CCDC171: variants seen among roughly 807,000 people sequenced by gnomAD.
CCDC171 encodes coiled-coil domain-containing protein 171.
In CCDC171, 177 loss-of-function variants were observed where a neutral mutation model predicts 168.2. The ratio of observed to expected loss-of-function variants is 1.05; its 90% CI spans 0.93 to 1.19. The LOEUF (loss-of-function observed/expected upper bound fraction) is 1.19, where lower values mean the gene tolerates loss of function less well. CCDC171 is among the 50% of genes most tolerant of loss of function. The pLI, the probability that CCDC171 is intolerant of heterozygous loss-of-function variation, is 0.00. For synonymous variants in CCDC171, 687 were observed against 540.8 expected, an observed-to-expected ratio of 1.27 and a Z score of -3.75; for missense variants, 1,991 against 1,539.0, an observed-to-expected ratio of 1.29 and a Z score of -4.91.
chr9:15,794,846 T>G (rs533537403), intron 21 of CCDC171, among the ~76,000 whole-genome samples: 1 of 152,230 alleles, frequency 6.6e-6, no homozygotes, highest in African/African-American at 2.4e-5. Flanking sequence ...TTTAAAAATA[T>G]ATTGCTGCAC....
At chr9:15,585,502 C>T (rs1228302484) in intron 4 of CCDC171, among the ~76,000 whole-genome samples, 1 of 152,018 alleles carries the variant, frequency 6.6e-6, no homozygotes, top group Non-Finnish European at 1.5e-5. Flanking sequence ...CTGTATGGTT[C>T]CATTAACATA....
intron 6 of CCDC171, among the ~76,000 whole-genome samples, chr9:15,598,577 T>C (rs2042568665): frequency 6.6e-6 from 1 of 152,200 alleles, no homozygotes; most frequent in Non-Finnish European, 1.5e-5. Flanking sequence ...AACTATGTGG[T>C]CAATTTTGGA....
intron 7 of CCDC171, among the ~76,000 whole-genome samples, chr9:15,645,599 T>C (rs1326160999): frequency 2.0e-5 from 3 of 152,180 alleles, no homozygotes; most frequent in Non-Finnish European, 4.4e-5. Context: ...ACGTGATGCA[T>C]GCACAAGGTT....
intron 7 of CCDC171, among the ~76,000 whole-genome samples, chr9:15,630,423 CAAAG>C (rs2045579266): frequency 6.6e-6 from 1 of 152,038 alleles, no homozygotes; most frequent in Non-Finnish European, 1.5e-5. Flanking sequence ...TCAAAAGAGA[CAAAG>C]AAGGCCATTA....
At chr9:15,922,762 A>G (rs1247698007) in intron 25 of CCDC171, among the ~76,000 whole-genome samples, 2 of 151,546 alleles carry the variant, frequency 1.3e-5, no homozygotes, top group African/African-American at 2.4e-5. Flanking sequence ...CAGCCATTGT[A>G]ACAGGAGTGA....
At chr9:15,831,882 T>A (rs2060248418) in intron 21 of CCDC171, among the ~76,000 whole-genome samples, 1 of 151,932 alleles carries the variant, frequency 6.6e-6, no homozygotes, top group Non-Finnish European at 1.5e-5. Context: ...GTATGACCTT[T>A]CTTGGTTTCT....
At position 15,595,717 on chromosome 9, in the gene CCDC171, T is replaced by C. The variant is rs199576124; in HGVS notation, c.675+1545T>C. 3.9e-5 allele frequency among the ~76,000 whole-genome samples: 6 copies of C among 152,172 alleles called. No homozygotes were observed. In the East Asian group the frequency reaches 7.7e-4, roughly 20 times the overall value. On this transcript the variant is annotated intron_variant, in intron 6 of 25. Coordinates refer to ENST00000380701, the MANE Select transcript of CCDC171 (RefSeq NM_173550.4). ...TTCTAGTTCTAGATCCCTGAGGAAT[T>C]GCCACACTGACTTCCACAATGATTG...
At chr9:16,058,565 G>C (rs917777199) in intron 1 of CCDC171, among the ~76,000 whole-genome samples, 1 of 152,218 alleles carries the variant, frequency 6.6e-6, no homozygotes, top group African/African-American at 2.4e-5. Flanking sequence ...TGCATAAAGA[G>C]GGACTTTGCA....
chr9:16,103,943 T>C, the CCDC171 span, among the ~76,000 whole-genome samples: 2 of 152,140 alleles, frequency 1.3e-5, no homozygotes, highest in East Asian at 3.9e-4. Flanking sequence ...ATAGATCAAT[T>C]TACAGCTCAT....
chr9:15,995,014 G>C (rs1470942332), intron 3 of CCDC171, among the ~76,000 whole-genome samples: 1 of 152,174 alleles, frequency 6.6e-6, no homozygotes, highest in Non-Finnish European at 1.5e-5. Flanking sequence ...GGCATGCCCA[G>C]CTGTGTTTTT....
chr9:15,797,172 A>G (rs913056497), intron 21 of CCDC171, among the ~76,000 whole-genome samples: 6 of 152,070 alleles, frequency 3.9e-5, no homozygotes, highest in Non-Finnish European at 8.8e-5. Flanking sequence ...AGTCATTCAT[A>G]TATGTTCTTT....
chr9:15,829,046 CTA>C (rs985555464), intron 21 of CCDC171, among the ~76,000 whole-genome samples: 1 of 152,196 alleles, frequency 6.6e-6, no homozygotes, highest in Non-Finnish European at 1.5e-5. Context: ...TGAGTGTTTA[CTA>C]TATGTTTGGC....
rs118149030 is a variant in CCDC171, at chr9:15,685,398, G to A, written c.1215+6502G>A. On this transcript the variant is annotated intron_variant, in intron 10 of 25. Transcript: ENST00000380701. ...TCCCAGCACTTTGAGAATCTGAAAC[G>A]GGAGGACCATTGAGCCCAGGAGTTT... Among the ~76,000 whole-genome samples, 496 of 152,200 alleles carry A rather than the reference G, an allele frequency of 3.3e-3. 15 individuals are homozygous for A. In the East Asian group the frequency reaches 0.063, roughly 19 times the overall value.
At chr9:16,007,789 A>G (rs1030539182) in intron 3 of CCDC171, among the ~76,000 whole-genome samples, 2 of 152,052 alleles carry the variant, frequency 1.3e-5, no homozygotes, top group African/African-American at 2.4e-5. Flanking sequence ...CCATTGGTCT[A>G]TGTCTCTGTT....
the CCDC171 span, among the ~76,000 whole-genome samples, chr9:16,101,919 C>A: frequency 6.6e-6 from 1 of 152,208 alleles, no homozygotes; most frequent in Non-Finnish European, 1.5e-5. Context: ...CTGTGTGAGA[C>A]CTGAGTAGAG....
chr9:15,978,013 T>C (rs1226162122), downstream of CCDC171, among the ~76,000 whole-genome samples: 1 of 131,476 alleles, frequency 7.6e-6, no homozygotes, highest in Non-Finnish European at 1.5e-5. Flanking sequence ...ATACATTTTC[T>C]TTTTCTAAGT....
chr9:15,871,303 A>G (rs190270171), intron 23 of CCDC171, among the ~76,000 whole-genome samples: 1 of 151,940 alleles, frequency 6.6e-6, no homozygotes, highest in African/African-American at 2.4e-5. Flanking sequence ...ATATTGATAA[A>G]TGAGAATAAA....
At chr9:15,847,953 T>G (rs1389113608) in intron 22 of CCDC171, among the ~76,000 whole-genome samples, 1 of 152,090 alleles carries the variant, frequency 6.6e-6, no homozygotes, top group Non-Finnish European at 1.5e-5. Context: ...CTGAGGTGTA[T>G]GTTTTTGTCA....
intron 24 of CCDC171, among the ~76,000 whole-genome samples, chr9:15,915,002 T>G (rs1824295386): frequency 6.6e-6 from 1 of 152,130 alleles, no homozygotes; most frequent in Non-Finnish European, 1.5e-5. Context: ...CCCAGTGAGT[T>G]GAACCGGGTA....
Sources: gnomAD v4.1 joint callset for allele counts (sites outside exome capture counted in the v4.1 genomes callset) on GRCh38, gnomAD v4.1.1 for gene constraint, MANE v1.5 for transcripts, NCBI Gene and HGNC (gene_info 2026-07-23, HGNC 2026-07-21) for gene names.